The following TULP4 variants were observed in gnomAD, a reference collection of about 807,000 sequenced individuals.
TULP4 encodes tubby-related protein 4.
TULP4 carries 16 observed loss-of-function variants against 129.0 expected under a neutral mutation model. The observed-to-expected ratio is 0.12, with a 90% confidence interval of 0.08 to 0.19. The LOEUF (loss-of-function observed/expected upper bound fraction) is 0.19. Among genes scored for constraint, TULP4 ranks in the 10% least tolerant of loss-of-function variants. TULP4 has a pLI of 1.00. For synonymous variants in TULP4, 998 were observed against 854.0 expected, an observed-to-expected ratio of 1.17 and a Z score of -2.94; for missense variants, 1,842 against 2,059.1, an observed-to-expected ratio of 0.89 and a Z score of 2.04.
At chr6:158,312,119 A>T (rs1453292907), upstream of TULP4, 3 of 398,202 alleles carry the variant, frequency 7.5e-6, no homozygotes, top group African/African-American at 2.1e-5. Flanking sequence ...GGGGAAGCAG[A>T]CGCTTCGTAT....
upstream of TULP4, among the ~76,000 whole-genome samples, chr6:158,311,687 T>C (rs1320447541): frequency 6.6e-6 from 1 of 152,214 alleles, no homozygotes; most frequent in East Asian, 1.9e-4. Flanking sequence ...TGAGGATGCC[T>C]GCTTAAACAG....
intron 1 of TULP4, among the ~76,000 whole-genome samples, chr6:158,406,540 G>A (rs1025778428): frequency 3.3e-5 from 5 of 152,142 alleles, no homozygotes; most frequent in African/African-American, 1.2e-4. Context: ...GAGTCATAGG[G>A]GGTACTATTC....
chr6:158,300,174 G>A (rs777483187), intron 1 of TULP4, among the ~76,000 whole-genome samples: 1 of 152,190 alleles, frequency 6.6e-6, no homozygotes, highest in South Asian at 2.1e-4. Context: ...CGAAGTTTAA[G>A]TCTCCTAGTG....
intron 2 of TULP4, among the ~76,000 whole-genome samples, chr6:158,419,217 G>A (rs1396037089): frequency 6.6e-6 from 1 of 152,154 alleles, no homozygotes; most frequent in African/African-American, 2.4e-5. Context: ...AGACATTGCT[G>A]ATAACACAAC....
chr6:158,371,533 G>A (rs1777069789), intron 1 of TULP4, among the ~76,000 whole-genome samples: 2 of 152,206 alleles, frequency 1.3e-5, no homozygotes, highest in Non-Finnish European at 2.9e-5. Flanking sequence ...CGTATGGAAA[G>A]CACTCAGTGG....
chr6:158,365,698 C>T (rs976737609), intron 1 of TULP4, among the ~76,000 whole-genome samples: 15 of 151,596 alleles, frequency 9.9e-5, no homozygotes, highest in Non-Finnish European at 1.9e-4. Flanking sequence ...GTCTCGATCT[C>T]CTGACCTTGT....
intron 1 of TULP4, among the ~76,000 whole-genome samples, chr6:158,367,161 T>C: frequency 6.6e-6 from 1 of 152,232 alleles, no homozygotes; most frequent in East Asian, 1.9e-4. Flanking sequence ...AGTACCCACC[T>C]GCTTTCCTCT....
rs1190505110 is a variant in TULP4, at chr6:158,332,889, G to A, written c.252+18621G>A. Reference sequence around the variant, plus strand: ...AATTCTATTGTTTATTATAGAGCACGTATTGATGGGTTGGGAGCTGAGAGG... The same window carrying A: ...AATTCTATTGTTTATTATAGAGCACATATTGATGGGTTGGGAGCTGAGAGG... On this transcript the variant is annotated intron_variant, in intron 1 of 13. Coordinates refer to ENST00000367097, the MANE Select transcript of TULP4 (RefSeq NM_020245.5). 2.6e-5 allele frequency among the ~76,000 whole-genome samples: 4 copies of A among 152,226 alleles called. No individual in the cohort carries two copies. The East Asian group carries it at 5.8e-4, about 22-fold the overall frequency.
chr6:158,252,343 A>T (rs1778159470), intron 1 of TULP4, among the ~76,000 whole-genome samples: 1 of 143,936 alleles, frequency 6.9e-6, no homozygotes, highest in Non-Finnish European at 1.5e-5. Context: ...TTTCTTGAGC[A>T]GATGTTGGGT....
At chr6:158,473,864 C>T (rs1779750334) in intron 6 of TULP4, among the ~76,000 whole-genome samples, 1 of 151,918 alleles carries the variant, frequency 6.6e-6, no homozygotes, top group African/African-American at 2.4e-5. Context: ...GTCTCCCAGG[C>T]TGGAGTGCAG....
At position 158,503,161 on chromosome 6, in the gene TULP4, G is replaced by A; in HGVS notation, c.3498G>A (p.Leu1166=). The change falls in exon 13 of 14, where the codon CTG becomes CTA. Residue 1166 remains leucine (L), a synonymous_variant. Transcript: ENST00000367097. The surrounding 1 kb of genome is among the most constrained non-coding windows in gnomAD (Gnocchi z 4.3). ...SQGQHLDVSR[L]PFISPKSPAS... ...GCCAGCACCTGGACGTGTCCCGACTGCCCTTCATCTCCCCCAAGTCTCCTG... is the reference window on the plus strand; with the variant it reads ...GCCAGCACCTGGACGTGTCCCGACTACCCTTCATCTCCCCCAAGTCTCCTG... 6.2e-7 allele frequency: 1 copy of A among 1,613,452 alleles called. No homozygotes were observed. The highest frequency in any genetic ancestry group is 8.5e-7 in the Non-Finnish European group (1 of 1,179,554).
At chr6:158,395,673 G>GGCGGGGGC (rs201907750) in intron 1 of TULP4, among the ~76,000 whole-genome samples, 1 of 132,100 alleles carries the variant, frequency 7.6e-6, no homozygotes, top group Admixed American at 7.5e-5. Flanking sequence ...ATGGGCGGGG[G>GGCGGGGGC]GGGGGTCATG....
intron 1 of TULP4, among the ~76,000 whole-genome samples, chr6:158,252,462 G>A (rs184432627): frequency 4.0e-5 from 6 of 151,866 alleles, no homozygotes; most frequent in African/African-American, 1.4e-4. Context: ...TGCAGCCTTC[G>A]CCTCCTGGGT....
At chr6:158,454,092 T>G (rs1011442488) in intron 5 of TULP4, among the ~76,000 whole-genome samples, 1 of 149,312 alleles carries the variant, frequency 6.7e-6, no homozygotes, top group Non-Finnish European at 1.5e-5. Flanking sequence ...TACCCTCTTT[T>G]GGGCATCCCA....
In TULP4 at chr6:158,489,815, C is replaced by G. The variant is rs951112609; in HGVS notation, c.1631+83C>G. On this transcript the variant is annotated intron_variant, in intron 9 of 13. Coordinates refer to ENST00000367097, the MANE Select transcript of TULP4 (RefSeq NM_020245.5). ...TGCCTGCAACAGAATCGCATTGAAA[C>G]TGACCAGAAGAGTCAAAGAGCAACC... The G allele has an allele frequency of 1.5e-5, 24 of 1,549,058 alleles. No individual in the cohort carries two copies. In the Admixed American group the frequency reaches 2.8e-4, roughly 18 times the overall value.
intron 8 of TULP4, among the ~76,000 whole-genome samples, chr6:158,489,111 C>T (rs1283730969): frequency 6.6e-6 from 1 of 152,170 alleles, no homozygotes; most frequent in African/African-American, 2.4e-5. Context: ...TCTGACTTTC[C>T]AGACCTAAGT....
chr6:158,436,066 G>A (rs145896871), intron 3 of TULP4, among the ~76,000 whole-genome samples: 240 of 152,084 alleles, frequency 1.6e-3, no homozygotes, highest in African/African-American at 5.4e-3. Flanking sequence ...ACAGGCATGC[G>A]CCACCATGCC....
rs763435551 is a variant in TULP4 at position 158,449,082 on chromosome 6, C to T, written c.630C>T (p.Asp210=). 1.7e-5 allele frequency: 28 copies of T among 1,613,980 alleles called. No individual in the cohort carries two copies. The highest frequency in any genetic ancestry group is 2.2e-5 in the South Asian group (2 of 91,068). The change falls in exon 4 of 14, where the codon GAC becomes GAT. Residue 210 remains aspartate, a synonymous_variant. Transcript: ENST00000367097. ...MLAHVLLHES[D]GVLGMSWNYP... is the part of the protein sequence containing the mutation. ...CCCACGTCCTCTTGCACGAGTCAGA[C>T]GGTGTCCTCGGCATGTCCTGGAACT...
chr6:158,388,316 G>GTTT (rs1377926300), intron 1 of TULP4, among the ~76,000 whole-genome samples: 1,145 of 92,642 alleles, frequency 0.012, 52 homozygotes, highest in Non-Finnish European at 0.017. Flanking sequence ...TAATCTGCTC[G>GTTT]TTTTTCTTTT....
Sources: allele counts gnomAD v4.1 joint callset (sites outside exome capture counted in the v4.1 genomes callset), GRCh38; gene constraint gnomAD v4.1.1; non-coding constraint Gnocchi (gnomAD v3.1); transcripts MANE v1.5; gene names NCBI Gene and HGNC (gene_info 2026-07-23, HGNC 2026-07-21).